Variants in PLEKHH2 observed in about 807,000 individuals in gnomAD.
The protein encoded by PLEKHH2 is pleckstrin homology, MyTH4 and FERM domain containing H2.
In PLEKHH2, 129 loss-of-function variants were observed where a neutral mutation model predicts 187.9. That is an observed-to-expected ratio of 0.69 (90% CI 0.59 to 0.79). The LOEUF (loss-of-function observed/expected upper bound fraction) is 0.79, where lower values mean the gene tolerates loss of function less well. Among genes scored for constraint, PLEKHH2 ranks in the 30% least tolerant of loss-of-function variants. The pLI is 0.00. For missense variants in PLEKHH2, 2,076 were observed against 1,751.2 expected, an observed-to-expected ratio of 1.19 and a Z score of -3.31; for synonymous variants, 686 against 605.6, an observed-to-expected ratio of 1.13 and a Z score of -1.95.
chr2:43,657,014 C>T (rs1052295702), intron 2 of PLEKHH2, among the ~76,000 whole-genome samples: 6 of 147,688 alleles, frequency 4.1e-5, no homozygotes, highest in African/African-American at 7.6e-5. Context: ...AGCAAAACTC[C>T]GTGTCAAAAA....
At chr2:43,660,249 C>T (rs993064186) in intron 2 of PLEKHH2, among the ~76,000 whole-genome samples, 6 of 152,078 alleles carry the variant, frequency 3.9e-5, no homozygotes, top group Middle Eastern at 3.2e-3. Flanking sequence ...TTCCATTGTA[C>T]GTGTGCACCA....
At chr2:43,737,008 C>T (rs73923864) in intron 19 of PLEKHH2, among the ~76,000 whole-genome samples, 10,118 of 152,072 alleles carry the variant, frequency 0.067, 773 homozygotes, top group African/African-American at 0.19. Flanking sequence ...GAGCTGGAAA[C>T]AGTTTTCCCA....
rs1385336032 is a variant in PLEKHH2 at position 43,700,832 on chromosome 2, TAG to T, written c.1650+228_1650+229del. 7.9e-5 allele frequency among the ~76,000 whole-genome samples: 12 copies of T among 152,324 alleles called. No homozygotes were observed. In the East Asian group the frequency reaches 2.1e-3, roughly 27 times the overall value. ...GCCTGGCTAATTTTTGTATTTTTGG[TAG>T]AGACGGGGTTTCGCCATGTTGGCCA... On this transcript the variant is annotated intron_variant, in intron 8 of 29. Transcript: ENST00000282406.
At chr2:43,689,372 G>A (rs935050147) in intron 3 of PLEKHH2, among the ~76,000 whole-genome samples, 14 of 152,224 alleles carry the variant, frequency 9.2e-5, no homozygotes, top group Non-Finnish European at 1.8e-4. Context: ...GGCTATCCGT[G>A]TATACACATT....
chr2:43,695,310 A>G, intron 6 of PLEKHH2, 86 bp downstream of exon 6: 1 of 616,168 alleles, frequency 1.6e-6, no homozygotes, highest in Non-Finnish European at 2.6e-6. Flanking sequence ...AGATGCGATT[A>G]TGGATGTCAT....
In PLEKHH2 at chr2:43,758,322, G is replaced by A. The variant is rs1210793918; in HGVS notation, c.3942-578G>A. Among the ~76,000 whole-genome samples, 3 of 152,054 alleles carry A rather than the reference G, an allele frequency of 2.0e-5. No individual in the cohort carries two copies. The East Asian group carries it at 5.8e-4, about 29-fold the overall frequency. On this transcript the variant is annotated intron_variant, in intron 26 of 29. Transcript: ENST00000282406. ...GGCTGTAGTGCAATGGGGTGATCTC[G>A]GCTCGCTGCAACCTCCACCTCCCGG...
At chr2:43,742,557 A>G (rs1032214241) in intron 21 of PLEKHH2, among the ~76,000 whole-genome samples, 184 bp from the exon 22 acceptor site, 12 of 152,216 alleles carry the variant, frequency 7.9e-5, no homozygotes, top group Admixed American at 1.3e-4. Context: ...AGGCAGTTAC[A>G]AAAATAAAGA....
intron 14 of PLEKHH2, 34 bp from the exon 15 acceptor site, chr2:43,712,191 T>A: frequency 6.3e-7 from 1 of 1,595,826 alleles, no homozygotes. Flanking sequence ...ATCTTCACAG[T>A]TTTCTTTCCT....
At chr2:43,666,195 G>A (rs1401419525) in intron 2 of PLEKHH2, among the ~76,000 whole-genome samples, 6 of 150,066 alleles carry the variant, frequency 4.0e-5, no homozygotes, top group Non-Finnish European at 7.4e-5. Context: ...TTTTTAAGCC[G>A]GTCTGAAAAG....
intron 3 of PLEKHH2, among the ~76,000 whole-genome samples, chr2:43,687,757 CAT>C (rs1022414801): frequency 6.6e-5 from 10 of 151,934 alleles, no homozygotes; most frequent in Non-Finnish European, 7.4e-5. Flanking sequence ...AGCATTTTTT[CAT>C]ATGTTTCTTG....
chr2:43,763,031 G>A (rs1263506096), intron 28 of PLEKHH2, among the ~76,000 whole-genome samples: 1 of 152,006 alleles, frequency 6.6e-6, no homozygotes. Context: ...AAAATTTTCT[G>A]GAAACCAAAC....
At chr2:43,670,100 G>T (rs1667422687) in intron 2 of PLEKHH2, among the ~76,000 whole-genome samples, 1 of 151,510 alleles carries the variant, frequency 6.6e-6, no homozygotes, top group Non-Finnish European at 1.5e-5. Flanking sequence ...CAAAATACTG[G>T]ATGTTAAAGA....
chr2:43,743,719 T>C, intron 22 of PLEKHH2, 115 bp from the exon 23 acceptor site: 1 of 1,024,190 alleles, frequency 9.8e-7, no homozygotes, highest in Non-Finnish European at 1.3e-6. Flanking sequence ...TTGAAGCACC[T>C]AGAAAAATAT....
intron 16 of PLEKHH2, among the ~76,000 whole-genome samples, chr2:43,722,059 C>A (rs1431702137): frequency 2.0e-5 from 3 of 151,194 alleles, no homozygotes; most frequent in African/African-American, 4.9e-5. Context: ...TAATGCCACC[C>A]TAGGCAACAT....
At chr2:43,740,774 T>C in intron 20 of PLEKHH2, 172 bp from the exon 21 acceptor site, 1 of 1,207,594 alleles carries the variant, frequency 8.3e-7, no homozygotes, top group Non-Finnish European at 1.1e-6. Flanking sequence ...TGACCCAATG[T>C]AGAGTTTTTT....
intron 2 of PLEKHH2, chr2:43,658,967 T>G (rs1029913539): frequency 1.5e-5 from 2 of 134,176 alleles, no homozygotes; most frequent in Non-Finnish European, 3.2e-5. Flanking sequence ...AGACTTTTTT[T>G]TCTTTCTTTT....
chr2:43,686,411 G>C (rs1159694720), intron 3 of PLEKHH2, among the ~76,000 whole-genome samples: 1 of 152,180 alleles, frequency 6.6e-6, no homozygotes, highest in Non-Finnish European at 1.5e-5. Context: ...TGGTCAGGCT[G>C]GTCTCAAACT....
intron 1 of PLEKHH2, among the ~76,000 whole-genome samples, chr2:43,640,821 G>A (rs192432934): frequency 3.3e-5 from 5 of 151,908 alleles, no homozygotes; most frequent in Admixed American, 2.6e-4. Flanking sequence ...GTCTCCCTCT[G>A]TCGCCCAGGC....
intron 4 of PLEKHH2, among the ~76,000 whole-genome samples, chr2:43,693,143 C>G (rs1668900263): frequency 6.6e-6 from 1 of 151,846 alleles, no homozygotes; most frequent in African/African-American, 2.4e-5. Context: ...CCATGTTGGC[C>G]AGGCCTGTCT....
Sources: gnomAD v4.1 joint callset for allele counts (sites outside exome capture counted in the v4.1 genomes callset) on GRCh38, gnomAD v4.1.1 for gene constraint, MANE v1.5 for transcripts, NCBI Gene and HGNC (gene_info 2026-07-23, HGNC 2026-07-21) for gene names.